The following PDE11A variants were observed in gnomAD, a reference collection of about 807,000 sequenced individuals.
PDE11A encodes phosphodiesterase 11A.
PDE11A carries 100 observed loss-of-function variants against 100.5 expected under a neutral mutation model. The observed-to-expected ratio is 1.00, with a 90% confidence interval of 0.85 to 1.18. The LOEUF (loss-of-function observed/expected upper bound fraction) is 1.18. Among genes scored for constraint, PDE11A ranks in the 50% most tolerant of loss-of-function variants. The pLI, the probability that PDE11A is intolerant of heterozygous loss-of-function variation, is 0.00. For synonymous variants in PDE11A, 381 were observed against 420.8 expected, an observed-to-expected ratio of 0.91 and a Z score of 1.16; for missense variants, 1,141 against 1,152.6, an observed-to-expected ratio of 0.99 and a Z score of 0.15.
At chr2:177,937,519 A>G (rs1331589064) in intron 2 of PDE11A, among the ~76,000 whole-genome samples, 3 of 151,988 alleles carry the variant, frequency 2.0e-5, no homozygotes, top group African/African-American at 7.3e-5. Flanking sequence ...GGGTTTCACT[A>G]TGTTGGCCAG....
At chr2:177,878,594 T>G (rs1018712531) in intron 4 of PDE11A, among the ~76,000 whole-genome samples, 16 of 152,214 alleles carry the variant, frequency 1.1e-4, no homozygotes, top group Non-Finnish European at 1.8e-4. Context: ...CCTTTATGCA[T>G]GTATCAATGC....
At chr2:177,967,699 T>A (rs187481269) in intron 2 of PDE11A, among the ~76,000 whole-genome samples, 1 of 152,104 alleles carries the variant, frequency 6.6e-6, no homozygotes, top group East Asian at 1.9e-4. Context: ...CCAGGGCCCA[T>A]CCCCACACAA....
At chr2:177,715,677 A>G (rs2081427651) in intron 12 of PDE11A, among the ~76,000 whole-genome samples, 1 of 152,082 alleles carries the variant, frequency 6.6e-6, no homozygotes, top group South Asian at 2.1e-4. Flanking sequence ...TTGTCTTATA[A>G]TAGCATGCTA....
chr2:177,864,639 A>G (rs551318223), intron 5 of PDE11A, among the ~76,000 whole-genome samples: 8 of 152,214 alleles, frequency 5.3e-5, no homozygotes, highest in Non-Finnish European at 1.2e-4. Context: ...CCCAGCAAGG[A>G]TATGGACACA....
intron 2 of PDE11A, among the ~76,000 whole-genome samples, chr2:178,094,330 A>G (rs1164504306): frequency 1.3e-5 from 2 of 151,986 alleles, no homozygotes. Context: ...GGAGTTCAAG[A>G]CCAGCCTTGG....
At chr2:177,630,360 C>T (rs1949966) in intron 19 of PDE11A, among the ~76,000 whole-genome samples, 4,079 of 152,186 alleles carry the variant, frequency 0.027, 99 homozygotes, top group South Asian at 0.072. Flanking sequence ...CTTGTCTCAC[C>T]GCTCCTGGGT....
At chr2:178,048,796 A>G (rs552108829) in intron 1 of PDE11A, among the ~76,000 whole-genome samples, 204 of 152,332 alleles carry the variant, frequency 1.3e-3, no homozygotes, top group Non-Finnish European at 2.1e-3. Flanking sequence ...TTCATAAGCC[A>G]TAAATGTGAT....
intron 2 of PDE11A, among the ~76,000 whole-genome samples, chr2:177,915,719 G>A (rs1307220028): frequency 6.6e-6 from 1 of 152,212 alleles, no homozygotes; most frequent in African/African-American, 2.4e-5. Context: ...ATCCAGGAAT[G>A]CAATTGCTGG....
chr2:177,803,294 A>T (rs1574158272), intron 9 of PDE11A, among the ~76,000 whole-genome samples: 1 of 150,606 alleles, frequency 6.6e-6, no homozygotes, highest in East Asian at 1.9e-4. Context: ...TGTCACTTAT[A>T]AAAAAAATCT....
chr2:177,910,457 C>T (rs376457101), intron 2 of PDE11A, among the ~76,000 whole-genome samples: 2 of 148,136 alleles, frequency 1.4e-5, no homozygotes, highest in Non-Finnish European at 3.0e-5. Flanking sequence ...CACACACACA[C>T]ATATATATAT....
exon 1 of PDE11A, chr2:178,108,295 G>A (rs1325710552): frequency 6.6e-6 from 1 of 152,252 alleles, no homozygotes; most frequent in African/African-American, 2.4e-5. Context: ...TCAACTTCGA[G>A]GCTGGCGATC....
intron 19 of PDE11A, among the ~76,000 whole-genome samples, chr2:177,656,487 A>G (rs1016495336): frequency 1.4e-4 from 21 of 152,242 alleles, no homozygotes; most frequent in Non-Finnish European, 2.4e-4. Context: ...TAAGCAACAC[A>G]TGACTGTATT....
chr2:177,919,110 T>A (rs2084998481), intron 2 of PDE11A, among the ~76,000 whole-genome samples: 1 of 151,864 alleles, frequency 6.6e-6, no homozygotes. Flanking sequence ...ACATTTTTTT[T>A]TTTTTGAGAC....
intron 1 of PDE11A, chr2:178,105,557 A>G (rs1490970258): frequency 6.3e-6 from 2 of 318,696 alleles, no homozygotes; most frequent in South Asian, 1.5e-4. Flanking sequence ...TAAAAATTCT[A>G]TAACTAAATA....
chr2:177,841,745 TTATTCTC>T (rs1258242557), intron 5 of PDE11A, among the ~76,000 whole-genome samples: 1 of 152,192 alleles, frequency 6.6e-6, no homozygotes, highest in African/African-American at 2.4e-5. Flanking sequence ...TACATAAACT[TTATTCTC>T]TATGGCTCTC....
Position 178,072,642 on chromosome 2 carries a change from G to T in PDE11A, c.-205C>A. ...GTGGCTGGCGCCGACCCCACCCCGT[G>T]GTCCTGCTACTCCTGCTCCGCACAG... On this transcript the variant is annotated 5_prime_UTR_variant, in exon 1 of 20. Coordinates refer to ENST00000286063, the MANE Select transcript of PDE11A (RefSeq NM_016953.4). The T allele has an allele frequency of 6.8e-7, 1 of 1,475,292 alleles. No homozygotes were observed. Among genetic ancestry groups the T allele is most frequent in the Non-Finnish European group, 9.0e-7 (1 of 1,116,238 alleles). 91.4% of individuals were successfully genotyped at this position (1,475,292 alleles called of 1,614,324 possible). A position where few individuals can be genotyped will look rare whatever the true frequency, so the allele number is the denominator to read the frequency against.
chr2:177,938,980 G>A (rs1036329022), intron 2 of PDE11A, among the ~76,000 whole-genome samples: 1 of 152,234 alleles, frequency 6.6e-6, no homozygotes, highest in Non-Finnish European at 1.5e-5. Context: ...ACACCAAGGA[G>A]ACAGGCCTTA....
intron 9 of PDE11A, among the ~76,000 whole-genome samples, chr2:177,786,856 C>G (rs909006265): frequency 6.6e-6 from 1 of 151,774 alleles, no homozygotes; most frequent in South Asian, 2.1e-4. Flanking sequence ...TAAAAAGAAA[C>G]GAACAAAGCC....
At chr2:177,845,527 G>T in intron 5 of PDE11A, among the ~76,000 whole-genome samples, 1 of 151,786 alleles carries the variant, frequency 6.6e-6, no homozygotes, top group African/African-American at 2.4e-5. Flanking sequence ...GCCGGGCGGA[G>T]ACGCTCCTCA....
Sources: gnomAD v4.1 joint callset for allele counts (sites outside exome capture counted in the v4.1 genomes callset) on GRCh38, gnomAD v4.1.1 for gene constraint, MANE v1.5 for transcripts, NCBI Gene and HGNC (gene_info 2026-07-23, HGNC 2026-07-21) for gene names.